Variants in ANO1 observed in about 807,000 individuals in gnomAD.
ANO1 encodes the protein anoctamin-1.
In ANO1, 59 loss-of-function variants were observed where a neutral mutation model predicts 124.0. The ratio of observed to expected loss-of-function variants is 0.48; its 90% CI spans 0.39 to 0.59. The LOEUF is 0.59. Among genes scored for constraint, ANO1 ranks in the 20% least tolerant of loss-of-function variants. The pLI, the probability that ANO1 is intolerant of heterozygous loss-of-function variation, is 0.00. For missense variants in ANO1, 1,059 were observed against 1,328.0 expected, an observed-to-expected ratio of 0.80 and a Z score of 3.15; for synonymous variants, 529 against 532.0, an observed-to-expected ratio of 0.99 and a Z score of 0.08.
chr11:70,170,117 G>A (rs1409428470), intron 21 of ANO1: 1 of 441,238 alleles, frequency 2.3e-6, no homozygotes, highest in East Asian at 7.4e-5. Flanking sequence ...CCCGGATCCA[G>A]GAGTCCTGAT....
At chr11:70,090,897 G>T (rs1261617893) in intron 2 of ANO1, among the ~76,000 whole-genome samples, 1 of 152,194 alleles carries the variant, frequency 6.6e-6, no homozygotes, top group African/African-American at 2.4e-5. Flanking sequence ...TTTTCAAAGG[G>T]CTGAAGTTGA....
chr11:69,999,127 G>A (rs781901834), intron 1 of ANO1, among the ~76,000 whole-genome samples: 6 of 152,162 alleles, frequency 3.9e-5, no homozygotes, highest in East Asian at 1.9e-4. Context: ...ATTGGCTCAC[G>A]GTTCTGCAGG....
chr11:69,982,657 G>A (rs1220775939), upstream of ANO1, among the ~76,000 whole-genome samples: 1 of 152,198 alleles, frequency 6.6e-6, no homozygotes, highest in Non-Finnish European at 1.5e-5. Flanking sequence ...CTGAGAAGAA[G>A]CTTGTTCCAG....
At chr11:70,050,647 G>A (rs1225891476) in intron 1 of ANO1, among the ~76,000 whole-genome samples, 1 of 152,154 alleles carries the variant, frequency 6.6e-6, no homozygotes, top group Non-Finnish European at 1.5e-5. Context: ...ATAACATCAG[G>A]AACAGTGCTC....
chr11:70,061,195 G>T (rs1038760030), intron 1 of ANO1, among the ~76,000 whole-genome samples: 4 of 152,040 alleles, frequency 2.6e-5, no homozygotes, highest in Non-Finnish European at 5.9e-5. Flanking sequence ...GGGATACTCG[G>T]TACCCCTTTG....
chr11:69,986,968 C>T (rs1157960661), intron 1 of ANO1, among the ~76,000 whole-genome samples: 2 of 152,120 alleles, frequency 1.3e-5, no homozygotes, highest in Admixed American at 6.6e-5. Flanking sequence ...AGGATGCCAC[C>T]GCCAACCCGG....
At chr11:70,016,609 C>T (rs4980736) in intron 1 of ANO1, among the ~76,000 whole-genome samples, 59,069 of 152,098 alleles carry the variant, frequency 0.39, 11,855 homozygotes, top group East Asian at 0.48. Context: ...GCTCTGCCAC[C>T]GTCAGGCTTG....
At chr11:70,085,591 A>C (rs1218866482) in intron 1 of ANO1, 1 of 1,535,784 alleles carries the variant, frequency 6.5e-7, no homozygotes, top group Non-Finnish European at 8.7e-7. Flanking sequence ...AGAGAGGCCA[A>C]GGTGCCAGGG....
At chr11:70,167,972 T>G (rs2048320622) in intron 21 of ANO1, among the ~76,000 whole-genome samples, 1 of 152,166 alleles carries the variant, frequency 6.6e-6, no homozygotes, top group African/African-American at 2.4e-5. Flanking sequence ...TGCTCACCTG[T>G]GGGCTGGCGA....
At chr11:70,130,838 T>G (rs2046726754) in intron 10 of ANO1, among the ~76,000 whole-genome samples, 1 of 152,160 alleles carries the variant, frequency 6.6e-6, no homozygotes, top group Non-Finnish European at 1.5e-5. Flanking sequence ...GGGGACCTAT[T>G]CCTTCCGGCC....
intron 2 of ANO1, among the ~76,000 whole-genome samples, chr11:70,101,740 C>T (rs765362410): frequency 6.6e-6 from 1 of 152,164 alleles, no homozygotes; most frequent in Non-Finnish European, 1.5e-5. Flanking sequence ...GCTCTGCACC[C>T]GGAGGGGATG....
intron 2 of ANO1, among the ~76,000 whole-genome samples, chr11:70,100,797 TG>T (rs897562850): frequency 5.6e-4 from 85 of 152,362 alleles, no homozygotes; most frequent in Middle Eastern, 3.4e-3. Flanking sequence ...GGCACGGAAC[TG>T]ACATTGAGTG....
chr11:70,131,863 G>T (rs1351111991), intron 10 of ANO1, 56 bp from the exon 11 acceptor site: 10 of 1,558,194 alleles, frequency 6.4e-6, no homozygotes, highest in Non-Finnish European at 8.6e-6. Context: ...CGGCACCCAG[G>T]AGGTGCTCCA....
chr11:70,165,541 C>A lies in ANO1; in HGVS notation c.2022C>A (p.Ile674=). The change falls in exon 20 of 26, where the codon ATC becomes ATA. Residue 674 remains isoleucine, a synonymous_variant. Coordinates refer to ENST00000355303, the MANE Select transcript of ANO1 (RefSeq NM_018043.7). ...LSIIMLGKQL[I]QNNLFEIGIP... Reference sequence around the variant, plus strand: ...TCATCATGCTGGGGAAACAGCTGATCCAGAACAACCTGTTCGAGATCGGCA... The same window carrying A: ...TCATCATGCTGGGGAAACAGCTGATACAGAACAACCTGTTCGAGATCGGCA... 1 of 1,612,164 alleles carries A rather than the reference C, an allele frequency of 6.2e-7. No individual in the cohort carries two copies. The highest frequency in any genetic ancestry group is 8.5e-7 in the Non-Finnish European group (1 of 1,179,274).
At chr11:70,114,644 A>G (rs556269868) in intron 7 of ANO1, among the ~76,000 whole-genome samples, 1 of 152,262 alleles carries the variant, frequency 6.6e-6, no homozygotes, top group East Asian at 1.9e-4. Flanking sequence ...CACGCCTGCA[A>G]TCACAGCACT....
At chr11:70,044,301 G>T (rs1274873868) in intron 1 of ANO1, among the ~76,000 whole-genome samples, 1 of 151,998 alleles carries the variant, frequency 6.6e-6, no homozygotes, top group Non-Finnish European at 1.5e-5. Context: ...CAAAATGGTA[G>T]ATTTATATGC....
chr11:70,101,952 G>A (rs1464282861), intron 2 of ANO1, among the ~76,000 whole-genome samples: 2 of 152,222 alleles, frequency 1.3e-5, no homozygotes, highest in Admixed American at 6.5e-5. Flanking sequence ...ACTCGGCACT[G>A]TTTCCCTTCT....
chr11:70,108,299 C>T, intron 5 of ANO1, 54 bp from the exon 6 acceptor site: 1 of 1,562,686 alleles, frequency 6.4e-7, no homozygotes, highest in Non-Finnish European at 8.8e-7. Context: ...ACTGTTTCTG[C>T]TCGTGGAAGG....
intron 1 of ANO1, among the ~76,000 whole-genome samples, chr11:70,016,008 T>G (rs1856696220): frequency 6.8e-6 from 1 of 147,474 alleles, no homozygotes; most frequent in African/African-American, 2.5e-5. Context: ...TCCTTGGGAT[T>G]TCTTTTCCTT....
Sources: gnomAD v4.1 joint callset for allele counts (sites outside exome capture counted in the v4.1 genomes callset) on GRCh38, gnomAD v4.1.1 for gene constraint, MANE v1.5 for transcripts, NCBI Gene and HGNC (gene_info 2026-07-23, HGNC 2026-07-21) for gene names.